LARP1: variants seen among roughly 807,000 people sequenced by gnomAD.
The protein encoded by LARP1 is la-related protein 1.
LARP1 carries 36 observed loss-of-function variants against 122.7 expected under a neutral mutation model. The observed-to-expected ratio is 0.29, with a 90% confidence interval of 0.22 to 0.39. The LOEUF (loss-of-function observed/expected upper bound fraction) is 0.39. Ranked by LOEUF, LARP1 falls within the 10% of genes least tolerant of loss-of-function variation. The pLI is 1.00. For missense variants in LARP1, 1,040 were observed against 1,403.6 expected, an observed-to-expected ratio of 0.74 and a Z score of 4.14; for synonymous variants, 539 against 528.7, an observed-to-expected ratio of 1.02 and a Z score of -0.27.
At position 154,691,761 on chromosome 5, in the gene LARP1, G is replaced by T. The variant is rs553800198; in HGVS notation, c.-180+8724G>T. On this transcript the variant is annotated intron_variant, in intron 1 of 18. Coordinates refer to the LARP1 transcript ENST00000687700. ...CGGTTCATCCCCCATAGGGCCGCGGGTGAGCGTTGTCAGGCACAGCCCTGC... is the reference window on the plus strand; with the variant it reads ...CGGTTCATCCCCCATAGGGCCGCGGTTGAGCGTTGTCAGGCACAGCCCTGC... Among the ~76,000 whole-genome samples, 6 of 152,072 alleles carry T rather than the reference G, an allele frequency of 3.9e-5. 1 individual carries two copies. The highest frequency in any genetic ancestry group is 3.3e-4 in the Admixed American group (5 of 15,280).
At position 154,803,727 on chromosome 5, in the gene LARP1, A is replaced by G; in HGVS notation, c.2421A>G (p.Gly807=). The G allele has an allele frequency of 6.2e-7, 1 of 1,614,180 alleles. No homozygotes were observed. Residue 807 remains glycine (G), a synonymous_variant, in exon 13 of 19, where the codon GGA becomes GGG. Coordinates refer to ENST00000518297, the MANE Select transcript of LARP1 (RefSeq NM_033551.3). The surrounding 1 kb of genome is among the most constrained non-coding windows in gnomAD (Gnocchi z 4.4). Reference sequence around the variant, plus strand: ...GGTTTTACCCAGTGGTGAAAGAAGGACGGACACTGGATGCCAAGGTGAGGC... The same window carrying G: ...GGTTTTACCCAGTGGTGAAAGAAGGGCGGACACTGGATGCCAAGGTGAGGC... The part of the protein sequence containing the change: ...TSRFYPVVKE[G]RTLDAKMPRK...
rs560707000 is a variant in LARP1, at chr5:154,746,068, G to C, written c.205+32938G>C. ...CCGCCTTGGACTCCCAGAGTGCCTGGATTACAGGCGTGAGCCACCGCACCT... is the reference window on the plus strand; with the variant it reads ...CCGCCTTGGACTCCCAGAGTGCCTGCATTACAGGCGTGAGCCACCGCACCT... On this transcript the variant is annotated intron_variant, in intron 1 of 18. Coordinates refer to the LARP1 transcript ENST00000336314. Among the ~76,000 whole-genome samples the C allele has an allele frequency of 3.3e-5, 5 of 152,290 alleles. No individual in the cohort carries two copies. In the South Asian group the frequency reaches 1.0e-3, roughly 32 times the overall value.
chr5:154,755,073 C>T (rs969135379), upstream of LARP1, among the ~76,000 whole-genome samples: 1 of 152,036 alleles, frequency 6.6e-6, no homozygotes, highest in African/African-American at 2.4e-5. Flanking sequence ...TCAGCGCCCC[C>T]ACCGACAACT....
intron 1 of LARP1, among the ~76,000 whole-genome samples, chr5:154,731,089 T>C (rs963006761): frequency 5.9e-5 from 9 of 152,106 alleles, no homozygotes; most frequent in Non-Finnish European, 1.0e-4. Flanking sequence ...CCTCCCACAA[T>C]GTTGGGGTTA....
Position 154,799,870 on chromosome 5 carries a change from T to C in LARP1, c.1547-3T>C, listed in dbSNP as rs1758200347. Reference sequence around the variant, plus strand: ...ATGAGGACTTCCCCTTTCCACCCTTTAGAGTCGGCACCTGGCTCTCCTCGT... The same window carrying C: ...ATGAGGACTTCCCCTTTCCACCCTTCAGAGTCGGCACCTGGCTCTCCTCGT... On this transcript the variant is annotated splice_region_variant and splice_polypyrimidine_tract_variant and intron_variant, in intron 9 of 18. Coordinates refer to ENST00000518297, the MANE Select transcript of LARP1 (RefSeq NM_033551.3). 6.2e-7 allele frequency: 1 copy of C among 1,613,428 alleles called. No individual in the cohort carries two copies. The highest frequency in any genetic ancestry group is 1.1e-5 in the South Asian group (1 of 91,022).
At chr5:154,768,351 A>G (rs1755118940) in intron 1 of LARP1, among the ~76,000 whole-genome samples, 1 of 152,228 alleles carries the variant, frequency 6.6e-6, no homozygotes, top group Non-Finnish European at 1.5e-5. Context: ...AGTTGTAAAC[A>G]AGACACATTG....
At chr5:154,702,343 G>A (rs2113252276) in intron 1 of LARP1, among the ~76,000 whole-genome samples, 1 of 152,178 alleles carries the variant, frequency 6.6e-6, no homozygotes, top group Non-Finnish European at 1.5e-5. Context: ...ATCACCTGAG[G>A]TCAGGAGTTT....
intron 8 of LARP1, among the ~76,000 whole-genome samples, chr5:154,797,936 C>T (rs189630029): frequency 1.7e-3 from 265 of 152,236 alleles, no homozygotes; most frequent in Non-Finnish European, 2.6e-3. Context: ...CCTCTCACTT[C>T]GGCTTCCAAA....
chr5:154,706,826 G>T (rs546443066), intron 1 of LARP1, among the ~76,000 whole-genome samples: 1 of 151,794 alleles, frequency 6.6e-6, no homozygotes, highest in African/African-American at 2.4e-5. Flanking sequence ...AAAAAAAGAG[G>T]CAATTTTATA....
At chr5:154,717,088 AGGAG>A (rs1342893653) in intron 1 of LARP1, among the ~76,000 whole-genome samples, 2 of 151,910 alleles carry the variant, frequency 1.3e-5, no homozygotes, top group South Asian at 2.1e-4. Flanking sequence ...AAGAAAAAAA[AGGAG>A]AGAGAGAGAG....
intron 1 of LARP1, among the ~76,000 whole-genome samples, chr5:154,728,172 C>T (rs1026091171): frequency 1.3e-5 from 2 of 152,130 alleles, no homozygotes; most frequent in African/African-American, 2.4e-5. Context: ...ATTTTGGATT[C>T]CCAGATCCCA....
chr5:154,766,813 T>C (rs1754993395), intron 1 of LARP1, among the ~76,000 whole-genome samples: 1 of 152,236 alleles, frequency 6.6e-6, no homozygotes, highest in Non-Finnish European at 1.5e-5. Flanking sequence ...TAGTTAGGCT[T>C]ACCCAGCCCA....
In LARP1 at chr5:154,805,985, G is replaced by C. The variant is rs1189073566; in HGVS notation, c.2651G>C (p.Gly884Ala). 1 of 1,614,150 alleles carries C rather than the reference G, an allele frequency of 6.2e-7. No homozygotes were observed. Among genetic ancestry groups the C allele is most frequent in the Non-Finnish European group, 8.5e-7 (1 of 1,180,040 alleles). ...TCCCATGAACTGCTCAAGGAAAATG[G>C]CTTCACACAACACGTCTACCATAAG... ...HPSHELLKENGFTQHVYHKYR... is the reference protein window; with the variant it reads ...HPSHELLKENAFTQHVYHKYR... Residue 884 changes from glycine (G) to alanine (A), a missense_variant, in exon 15 of 19, where the codon GGC becomes GCC. By Grantham distance (60) the Gly-to-Ala change is moderately conservative (BLOSUM62 0). Coordinates refer to ENST00000518297, the MANE Select transcript of LARP1 (RefSeq NM_033551.3).
upstream of LARP1, among the ~76,000 whole-genome samples, chr5:154,709,013 C>T (rs761223335): frequency 6.6e-6 from 1 of 152,194 alleles, no homozygotes; most frequent in African/African-American, 2.4e-5. Context: ...ACCTGGATTG[C>T]GTACCACGGT....
chr5:154,804,930 C>T (rs565493402), intron 14 of LARP1: 33 of 456,226 alleles, frequency 7.2e-5, no homozygotes, highest in East Asian at 7.0e-4. Context: ...CAACGAAGGG[C>T]GTGGGGTGCC....
Position 154,808,462 on chromosome 5 carries a change from G to A in LARP1, c.2702G>A (p.Arg901Gln), listed in dbSNP as rs757450704. Residue 901 changes from arginine to glutamine, a missense_variant, in exon 16 of 19, where the codon CGG becomes CAG. Around this residue, in one of 8 missense-constraint regions of LARP1, gnomAD observed 59 missense variants for 137.2 expected, o/e 0.43. Coordinates refer to ENST00000518297, the MANE Select transcript of LARP1 (RefSeq NM_033551.3). ...TTCCTCCTTTCTTTCCCATCAGAGC[G>A]GAAACGCTTGGGCATTGGCCAGTCT... ...HKYRRRCLNE[R>Q]KRLGIGQSQE... 1.4e-5 allele frequency: 22 copies of A among 1,611,888 alleles called. No individual in the cohort carries two copies. Among genetic ancestry groups the A allele is most frequent in the South Asian group, 2.2e-5 (2 of 90,904 alleles).
intron 1 of LARP1, among the ~76,000 whole-genome samples, chr5:154,784,089 G>A (rs1756686473): frequency 6.6e-6 from 1 of 152,208 alleles, no homozygotes; most frequent in African/African-American, 2.4e-5. Context: ...GTATTTGGGA[G>A]GGCCCCAGCT....
At position 154,805,902 on chromosome 5, in the gene LARP1, G is replaced by T. The variant is rs138080657; in HGVS notation, c.2568G>T (p.Thr856=). 1 of 1,613,956 alleles carries T rather than the reference G, an allele frequency of 6.2e-7. No homozygotes were observed. Among genetic ancestry groups the T allele is most frequent in the African/African-American group, 1.3e-5 (1 of 74,914 alleles). Residue 856 remains threonine, a synonymous_variant, in exon 15 of 19, where the codon ACG becomes ACT. Transcript: ENST00000518297. The part of the protein sequence containing the change: ...ASISSSPSEG[T]PTVGSYGCTP... ...GTAGCTCCAGCCCCTCAGAAGGGAC[G>T]CCTACAGTTGGCAGCTATGGCTGTA...
intron 14 of LARP1, 78 bp from the exon 15 acceptor site, chr5:154,805,803 C>A: frequency 6.8e-7 from 1 of 1,473,156 alleles, no homozygotes. Flanking sequence ...GCTGACAGAA[C>A]GGATCAGAGG....
Sources: gnomAD v4.1 joint callset for allele counts (sites outside exome capture counted in the v4.1 genomes callset) on GRCh38, gnomAD v4.1.1 for gene constraint, gnomAD v4.1.1 regional missense constraint, Gnocchi (gnomAD v3.1) non-coding constraint, MANE v1.5 for transcripts, NCBI Gene and HGNC (gene_info 2026-07-23, HGNC 2026-07-21) for gene names.